DNAAF11: variants seen among roughly 807,000 people sequenced by gnomAD.
The protein encoded by DNAAF11 is leucine rich repeat containing 6.
A neutral mutation model predicts 60.8 loss-of-function variants in DNAAF11; 45 were observed. The observed-to-expected ratio is 0.74, with a 90% confidence interval of 0.58 to 0.95. DNAAF11 has a LOEUF of 0.95. Among genes scored for constraint, DNAAF11 ranks in the 40% least tolerant of loss-of-function variants. DNAAF11 has a pLI of 0.00. For synonymous variants in DNAAF11, 191 were observed against 183.5 expected (o/e 1.04, Z -0.33); for missense variants, 546 against 546.2 (o/e 1.00, Z 0.00).
In DNAAF11 at chr8:132,670,557, C is replaced by T. The variant is rs144753776; in HGVS notation, c.10+4927G>A. ...ACCAAAAACTTAAGGGAAAATAATA[C>T]CCCATATACACAAACTCTTGTAGAA... On this transcript the variant is annotated intron_variant, in intron 1 of 11. Transcript: ENST00000620350. Among the ~76,000 whole-genome samples the T allele has an allele frequency of 3.2e-4, 49 of 152,172 alleles. 1 individual carries two copies. Among genetic ancestry groups the T allele is most frequent in the Admixed American group, 1.2e-3 (18 of 15,292 alleles).
intron 1 of DNAAF11, 136 bp downstream of exon 1, chr8:132,675,348 C>A: frequency 1.1e-6 from 1 of 897,478 alleles, no homozygotes; most frequent in Non-Finnish European, 1.7e-6. Context: ...GTGCGGAGGG[C>A]CGGGTGGGGT....
At position 132,641,788 on chromosome 8, in the gene DNAAF11, G is replaced by A. The variant is rs375074780; in HGVS notation, c.257-3681C>T. 2.2e-4 allele frequency among the ~76,000 whole-genome samples: 33 copies of A among 152,296 alleles called. 1 individual carries two copies. In the South Asian group the frequency reaches 5.6e-3, roughly 26 times the overall value. Reference sequence around the variant, plus strand: ...CATGATATAAAATAAATAAGCACATGTAGGAAGAGACTCAATGTAGAAAAA... The same window carrying A: ...CATGATATAAAATAAATAAGCACATATAGGAAGAGACTCAATGTAGAAAAA... On this transcript the variant is annotated intron_variant, in intron 3 of 11. Coordinates refer to ENST00000620350, the MANE Select transcript of DNAAF11 (RefSeq NM_012472.6).
At chr8:132,623,391 A>C (rs1819948949) in intron 6 of DNAAF11, among the ~76,000 whole-genome samples, 1 of 152,066 alleles carries the variant, frequency 6.6e-6, no homozygotes, top group African/African-American at 2.4e-5. Flanking sequence ...CAAATCCTAC[A>C]TTTGCAGAGA....
At chr8:132,694,014 T>C in the DNAAF11 span, among the ~76,000 whole-genome samples, 1 of 152,208 alleles carries the variant, frequency 6.6e-6, no homozygotes, top group Non-Finnish European at 1.5e-5. Flanking sequence ...GGGATCACTG[T>C]GGCTACTATG....
intron 3 of DNAAF11, among the ~76,000 whole-genome samples, chr8:132,652,090 C>T (rs753042625): frequency 6.6e-6 from 1 of 152,212 alleles, no homozygotes; most frequent in Non-Finnish European, 1.5e-5. Flanking sequence ...TCCACCATGA[C>T]CTAAGTAAAG....
At chr8:132,674,555 TA>T (rs965695053) in intron 1 of DNAAF11, among the ~76,000 whole-genome samples, 45 of 152,340 alleles carry the variant, frequency 3.0e-4, no homozygotes, top group African/African-American at 1.1e-3. Flanking sequence ...ATAAATAACT[TA>T]CCCGCATCAC....
chr8:132,662,517 A>G (rs969595824), intron 1 of DNAAF11, among the ~76,000 whole-genome samples: 17 of 152,230 alleles, frequency 1.1e-4, no homozygotes, highest in African/African-American at 3.9e-4. Flanking sequence ...GAAATATTGT[A>G]TGTCTACCCC....
At chr8:132,649,662 A>C (rs1822796199) in intron 3 of DNAAF11, among the ~76,000 whole-genome samples, 1 of 152,358 alleles carries the variant, frequency 6.6e-6, no homozygotes, top group South Asian at 2.1e-4. Context: ...AATTTAAAGA[A>C]ATTCACAAGA....
At chr8:132,642,899 A>G (rs370283629) in intron 3 of DNAAF11, among the ~76,000 whole-genome samples, 16 of 152,320 alleles carry the variant, frequency 1.1e-4, no homozygotes, top group African/African-American at 3.8e-4. Flanking sequence ...GCGGTCTCCA[A>G]CATTTTTGGC....
intron 9 of DNAAF11, 152 bp downstream of exon 9, chr8:132,611,142 C>T: frequency 2.0e-6 from 1 of 497,234 alleles, no homozygotes; most frequent in Non-Finnish European, 3.6e-6. Flanking sequence ...GATCCGCCCG[C>T]CTTGGCCTCC....
the DNAAF11 span, among the ~76,000 whole-genome samples, chr8:132,692,296 A>G: frequency 1.4e-4 from 21 of 152,330 alleles, no homozygotes; most frequent in East Asian, 4.1e-3. Flanking sequence ...ATGGAAATGA[A>G]CTAATTTCCT....
intron 4 of DNAAF11, among the ~76,000 whole-genome samples, chr8:132,637,268 G>A (rs1412271068): frequency 1.3e-5 from 2 of 152,172 alleles, no homozygotes; most frequent in Non-Finnish European, 2.9e-5. Context: ...GAGCACAGCA[G>A]TCTGTGTTTT....
intron 10 of DNAAF11, among the ~76,000 whole-genome samples, chr8:132,602,744 AATATATATAT>A (rs35316805): frequency 1.4e-5 from 2 of 141,852 alleles, no homozygotes; most frequent in Admixed American, 7.2e-5. Flanking sequence ...CTTAATTTGA[AATATATATAT>A]ATATATATAT....
the DNAAF11 span, among the ~76,000 whole-genome samples, chr8:132,693,866 G>A: frequency 6.6e-6 from 1 of 152,188 alleles, no homozygotes; most frequent in South Asian, 2.1e-4. Flanking sequence ...GTGAGTATTG[G>A]ATGAGGACAG....
At chr8:132,649,686 C>T (rs535747247) in intron 3 of DNAAF11, among the ~76,000 whole-genome samples, 1 of 152,154 alleles carries the variant, frequency 6.6e-6, no homozygotes, top group African/African-American at 2.4e-5. Context: ...AATCAAATAA[C>T]CCCATCAACA....
intron 1 of DNAAF11, chr8:132,675,210 G>A (rs117314472): frequency 1.2e-5 from 5 of 420,206 alleles, no homozygotes; most frequent in Admixed American, 4.4e-5. Context: ...CTTTCCTGGA[G>A]TCCAGTGCCT....
intron 11 of DNAAF11, among the ~76,000 whole-genome samples, chr8:132,581,681 AAAG>A (rs544637654): frequency 8.1e-5 from 12 of 148,378 alleles, no homozygotes; most frequent in South Asian, 2.2e-4. Context: ...AAAAAAAAAA[AAAG>A]AAGAAGAAGA....
chr8:132,618,801 G>C (rs1344795648), intron 7 of DNAAF11, among the ~76,000 whole-genome samples: 1 of 152,144 alleles, frequency 6.6e-6, no homozygotes, highest in Admixed American at 6.5e-5. Flanking sequence ...GGAAACAACA[G>C]GTGTTGGAGA....
chr8:132,623,839 A>G (rs1563640056), intron 6 of DNAAF11, among the ~76,000 whole-genome samples: 1 of 152,132 alleles, frequency 6.6e-6, no homozygotes, highest in Non-Finnish European at 1.5e-5. Context: ...CCTTGGCTTC[A>G]CCCTACTCAG....
Sources: gnomAD v4.1 joint callset for allele counts (sites outside exome capture counted in the v4.1 genomes callset) on GRCh38, gnomAD v4.1.1 for gene constraint, MANE v1.5 for transcripts, NCBI Gene and HGNC (gene_info 2026-07-23, HGNC 2026-07-21) for gene names.